The following SUMF1 variants were observed in gnomAD, a reference collection of about 807,000 sequenced individuals.
SUMF1 encodes sulfatase modifying factor 1, also known as formylglycine-generating enzyme.
Under a neutral mutation model 47.6 loss-of-function variants are expected in SUMF1, and 48 were observed. The ratio of observed to expected loss-of-function variants is 1.01; its 90% confidence interval spans 0.80 to 1.28. SUMF1 has a LOEUF of 1.28. SUMF1 is among the 50% of genes most tolerant of loss of function. SUMF1 has a pLI of 0.00. For missense variants in SUMF1, 571 were observed against 485.4 expected, an observed-to-expected ratio of 1.18 and a Z score of -1.66; for synonymous variants, 230 against 192.1, an observed-to-expected ratio of 1.20 and a Z score of -1.63.
intron 9 of SUMF1, among the ~76,000 whole-genome samples, chr3:4,039,740 G>C (rs1694876145): frequency 6.6e-6 from 1 of 151,988 alleles, no homozygotes; most frequent in African/African-American, 2.4e-5. Context: ...GTTTTGTATG[G>C]TCAGGTATGG....
intron 8 of SUMF1, among the ~76,000 whole-genome samples, chr3:4,214,748 T>A: frequency 6.6e-6 from 1 of 151,650 alleles, no homozygotes; most frequent in East Asian, 1.9e-4. Context: ...CAAACCACCA[T>A]CAGAGATTAC....
rs914197750 is a variant in SUMF1, at chr3:4,165,872, C to G, written c.1015-97127G>C. Among the ~76,000 whole-genome samples, 13 of 140,852 alleles carry G rather than the reference C, an allele frequency of 9.2e-5. No individual in the cohort carries two copies. The South Asian group carries it at 3.0e-3, about 32-fold the overall frequency. The allele number at this position is 140,852 out of a possible 152,430, so 92.4% of individuals were successfully genotyped here. On this transcript the variant is annotated intron_variant and NMD_transcript_variant, in intron 8 of 12. Coordinates refer to the SUMF1 transcript ENST00000448413. ...TTTGATTTGTTTGTTTCCCCCCCCC[C>G]CCCGAGCAAGAACCTGCAATGGTCC...
At chr3:4,091,770 C>A (rs539219878) in intron 8 of SUMF1, among the ~76,000 whole-genome samples, 47 of 152,078 alleles carry the variant, frequency 3.1e-4, no homozygotes, top group African/African-American at 1.1e-3. Flanking sequence ...TGTAAGAGGC[C>A]CTTGCATGGG....
intron 8 of SUMF1, among the ~76,000 whole-genome samples, chr3:4,223,079 G>GCAC (rs1696102186): frequency 6.6e-6 from 1 of 152,084 alleles, no homozygotes; most frequent in Non-Finnish European, 1.5e-5. Context: ...AGATATTTAT[G>GCAC]AATTGATGAT....
At chr3:4,130,513 T>G (rs950541585) in intron 8 of SUMF1, among the ~76,000 whole-genome samples, 1 of 152,148 alleles carries the variant, frequency 6.6e-6, no homozygotes, top group Admixed American at 6.5e-5. Context: ...ATTATGCTGA[T>G]TGGATCCAGT....
rs540678000 is a variant in SUMF1 at position 4,070,280 on chromosome 3, T to C, written c.1015-1535A>G. The stretch of plus-strand genomic sequence containing the variant: ...GTACCCCAACCACCTTGGGTACATG[T>C]TCTCAGGACCTTCTGAAGGCTGTTT... On this transcript the variant is annotated intron_variant and NMD_transcript_variant, in intron 8 of 12. Coordinates refer to the SUMF1 transcript ENST00000448413. Among the ~76,000 whole-genome samples the C allele has an allele frequency of 9.2e-5, 14 of 152,270 alleles. 1 individual carries two copies. In the South Asian group the frequency reaches 2.9e-3, roughly 32 times the overall value.
chr3:4,195,234 T>C (rs531981793), intron 8 of SUMF1, among the ~76,000 whole-genome samples: 1 of 152,176 alleles, frequency 6.6e-6, no homozygotes, highest in Non-Finnish European at 1.5e-5. Context: ...CAAGAAACTG[T>C]GTCTAATGAC....
At chr3:4,439,118 A>G (rs1702495443) in intron 3 of SUMF1, among the ~76,000 whole-genome samples, 1 of 152,256 alleles carries the variant, frequency 6.6e-6, no homozygotes, top group African/African-American at 2.4e-5. Flanking sequence ...CACTTGTGGA[A>G]CTAAAGTGGT....
intron 8 of SUMF1, among the ~76,000 whole-genome samples, chr3:4,120,412 C>T (rs897547494): frequency 3.3e-5 from 5 of 152,120 alleles, no homozygotes; most frequent in Non-Finnish European, 7.4e-5. Context: ...GAAGGATACA[C>T]ACTTTACAAA....
At chr3:4,261,662 G>A (rs1697088304) in intron 8 of SUMF1, among the ~76,000 whole-genome samples, 1 of 152,170 alleles carries the variant, frequency 6.6e-6, no homozygotes, top group Admixed American at 6.5e-5. Context: ...CTCAATGGTC[G>A]CAGCAATGCC....
chr3:4,308,286 C>T (rs1273597258), intron 8 of SUMF1, among the ~76,000 whole-genome samples: 1 of 152,114 alleles, frequency 6.6e-6, no homozygotes, highest in African/African-American at 2.4e-5. Context: ...TCTTCACTAC[C>T]CTACTATGCA....
chr3:4,198,959 G>C (rs1443079206), intron 8 of SUMF1, among the ~76,000 whole-genome samples: 2 of 152,098 alleles, frequency 1.3e-5, no homozygotes, highest in Non-Finnish European at 2.9e-5. Context: ...CCTCTGAAAT[G>C]CTTCCTCTTC....
intron 8 of SUMF1, among the ~76,000 whole-genome samples, chr3:4,079,539 T>C (rs2686714): frequency 0.24 from 35,817 of 151,702 alleles, 5,025 homozygotes; most frequent in Middle Eastern, 0.32. Context: ...ATCAAAGTCT[T>C]GCTTCACTGT....
intron 8 of SUMF1, among the ~76,000 whole-genome samples, chr3:4,078,881 A>G (rs1692496777): frequency 6.6e-6 from 1 of 152,298 alleles, no homozygotes; most frequent in East Asian, 1.9e-4. Context: ...CATCTAATCA[A>G]TAACAGAGCC....
chr3:4,449,199 A>T, intron 3 of SUMF1, 67 bp downstream of exon 3: 1 of 1,571,496 alleles, frequency 6.4e-7, no homozygotes. Flanking sequence ...TGTGGTTTGG[A>T]TTTTTCACCC....
At chr3:4,112,536 T>C (rs959974177) in intron 8 of SUMF1, among the ~76,000 whole-genome samples, 4 of 152,154 alleles carry the variant, frequency 2.6e-5, no homozygotes, top group Admixed American at 2.6e-4. Flanking sequence ...TGCTTAAAAT[T>C]GGCTGTTTCA....
chr3:4,205,141 T>A (rs567049710), intron 8 of SUMF1, among the ~76,000 whole-genome samples: 1 of 152,090 alleles, frequency 6.6e-6, no homozygotes, highest in African/African-American at 2.4e-5. Context: ...CATTCCACCA[T>A]TGTGATTTGT....
chr3:4,194,991 A>G (rs1419963248), intron 8 of SUMF1, among the ~76,000 whole-genome samples: 6 of 152,128 alleles, frequency 3.9e-5, no homozygotes, highest in African/African-American at 1.4e-4. Flanking sequence ...TTTTGAAGTC[A>G]CTTATTTAAA....
intron 8 of SUMF1, among the ~76,000 whole-genome samples, chr3:4,209,904 AT>A (rs1553609267): frequency 1.3e-5 from 2 of 151,856 alleles, no homozygotes; most frequent in African/African-American, 2.4e-5. Context: ...AGAAAAAAAA[AT>A]TTTTTTTGAG....
Sources: allele counts gnomAD v4.1 joint callset (sites outside exome capture counted in the v4.1 genomes callset), GRCh38; gene constraint gnomAD v4.1.1; transcripts MANE v1.5; gene names NCBI Gene and HGNC (gene_info 2026-07-23, HGNC 2026-07-21).